GRID2: variants seen among roughly 807,000 people sequenced by gnomAD.
GRID2 encodes glutamate receptor ionotropic, delta-2.
In GRID2, 33 loss-of-function variants were observed where a neutral mutation model predicts 114.8. The ratio of observed to expected loss-of-function variants is 0.29; its 90% confidence interval spans 0.22 to 0.38. The LOEUF is 0.38. GRID2 is among the 10% of genes least tolerant of loss of function. The pLI, the probability that GRID2 is intolerant of heterozygous loss-of-function variation, is 1.00. For missense variants in GRID2, 1,184 were observed against 1,257.7 expected (o/e 0.94, Z 0.89); for synonymous variants, 505 against 449.9 (o/e 1.12, Z -1.55).
chr4:93,272,037 T>C (rs1375525713), intron 8 of GRID2, among the ~76,000 whole-genome samples: 1 of 152,264 alleles, frequency 6.6e-6, no homozygotes, highest in South Asian at 2.1e-4. Flanking sequence ...GGTTTTAAGT[T>C]AGGACCAGAA....
At chr4:93,636,755 A>G (rs1721445856) in intron 14 of GRID2, among the ~76,000 whole-genome samples, 2 of 152,172 alleles carry the variant, frequency 1.3e-5, no homozygotes, top group African/African-American at 4.8e-5. Flanking sequence ...ACAATCATAG[A>G]TTTTGAGCAC....
At chr4:92,694,791 G>T (rs1313500970) in intron 2 of GRID2, among the ~76,000 whole-genome samples, 1 of 152,150 alleles carries the variant, frequency 6.6e-6, no homozygotes, top group Non-Finnish European at 1.5e-5. Flanking sequence ...TAATTCAGAA[G>T]TGAGGTTCCT....
chr4:93,501,502 A>C (rs1728104398), intron 12 of GRID2, among the ~76,000 whole-genome samples: 1 of 152,052 alleles, frequency 6.6e-6, no homozygotes, highest in Non-Finnish European at 1.5e-5. Flanking sequence ...CTCTATTGTT[A>C]GTGTTGAAAT....
intron 14 of GRID2, among the ~76,000 whole-genome samples, chr4:93,766,112 A>G (rs1733648539): frequency 6.6e-6 from 1 of 152,200 alleles, no homozygotes. Context: ...GAGGATGAGT[A>G]CACACTCTCG....
At chr4:92,377,166 A>G (rs1369188140) in intron 1 of GRID2, among the ~76,000 whole-genome samples, 2 of 152,108 alleles carry the variant, frequency 1.3e-5, no homozygotes, top group Non-Finnish European at 2.9e-5. Flanking sequence ...ATAAAACTAA[A>G]TGTCCTTAAC....
chr4:93,318,559 A>G (rs1467436574), intron 8 of GRID2: 1 of 152,188 alleles, frequency 6.6e-6, no homozygotes, highest in Non-Finnish European at 1.5e-5. Context: ...CTCGAAAGCC[A>G]AAGGGAGCAT....
chr4:93,804,190 A>G (rs1224170901), intron 1 of GRID2, among the ~76,000 whole-genome samples: 2 of 152,246 alleles, frequency 1.3e-5, no homozygotes, highest in Non-Finnish European at 2.9e-5. Flanking sequence ...CCATGAGACT[A>G]TCACAGACAA....
chr4:93,079,314 A>G (rs1729641493), intron 2 of GRID2, among the ~76,000 whole-genome samples: 1 of 152,006 alleles, frequency 6.6e-6, no homozygotes, highest in Non-Finnish European at 1.5e-5. Context: ...ATTTGGAGCT[A>G]AAACTATAGA....
chr4:92,649,341 G>A (rs1455540126), intron 2 of GRID2, among the ~76,000 whole-genome samples: 2 of 150,334 alleles, frequency 1.3e-5, no homozygotes, highest in African/African-American at 4.9e-5. Context: ...GTAACTCCAA[G>A]CCTGAGTGTG....
intron 2 of GRID2, among the ~76,000 whole-genome samples, chr4:93,055,333 A>G (rs1010580417): frequency 2.6e-5 from 4 of 151,782 alleles, no homozygotes; most frequent in African/African-American, 9.7e-5. Context: ...GGTTTTCCAC[A>G]CTATTATGTT....
At chr4:92,677,989 A>G (rs1733461863) in intron 2 of GRID2, among the ~76,000 whole-genome samples, 1 of 152,050 alleles carries the variant, frequency 6.6e-6, no homozygotes, top group Non-Finnish European at 1.5e-5. Context: ...CCCATGCCAC[A>G]TTGACCTCAT....
At chr4:93,082,895 T>C (rs1729997725) in intron 2 of GRID2, among the ~76,000 whole-genome samples, 1 of 152,200 alleles carries the variant, frequency 6.6e-6, no homozygotes, top group South Asian at 2.1e-4. Context: ...ATGTATCTAC[T>C]AAGCAAGATT....
chr4:92,951,060 T>G (rs1020001598), intron 2 of GRID2, among the ~76,000 whole-genome samples: 1 of 152,104 alleles, frequency 6.6e-6, no homozygotes, highest in Admixed American at 6.6e-5. Context: ...CTCTGGAGGA[T>G]TCTTAGTTTT....
intron 11 of GRID2, among the ~76,000 whole-genome samples, chr4:93,475,350 A>C (rs2149440091): frequency 6.6e-6 from 1 of 152,276 alleles, no homozygotes; most frequent in South Asian, 2.1e-4. Flanking sequence ...AAAATTCAAA[A>C]TTAGGAAAGC....
At chr4:93,694,945 G>A (rs1726883856) in intron 14 of GRID2, among the ~76,000 whole-genome samples, 1 of 152,160 alleles carries the variant, frequency 6.6e-6, no homozygotes, top group African/African-American at 2.4e-5. Flanking sequence ...GCCGAGACGG[G>A]CGGATTGCCT....
chr4:92,819,262 C>T (rs183778090), intron 2 of GRID2, among the ~76,000 whole-genome samples: 1 of 152,142 alleles, frequency 6.6e-6, no homozygotes, highest in Non-Finnish European at 1.5e-5. Flanking sequence ...AACTTAGGCT[C>T]AGACATCATC....
intron 13 of GRID2, among the ~76,000 whole-genome samples, chr4:93,602,084 A>T (rs1739739345): frequency 6.6e-6 from 1 of 152,216 alleles, no homozygotes; most frequent in Non-Finnish European, 1.5e-5. Flanking sequence ...TCAGCGAGTG[A>T]TATTGCCAAC....
At chr4:93,460,954 T>C (rs1723682982) in intron 11 of GRID2, among the ~76,000 whole-genome samples, 1 of 152,172 alleles carries the variant, frequency 6.6e-6, no homozygotes, top group Non-Finnish European at 1.5e-5. Flanking sequence ...GACATACTTA[T>C]GAATTGGCTT....
intron 14 of GRID2, among the ~76,000 whole-genome samples, chr4:93,671,788 C>T (rs1219661939): frequency 6.6e-6 from 1 of 151,656 alleles, no homozygotes; most frequent in Admixed American, 6.6e-5. Flanking sequence ...GACCAACATG[C>T]TGAAACCCTG....
Sources: allele counts gnomAD v4.1 joint callset (sites outside exome capture counted in the v4.1 genomes callset), GRCh38; gene constraint gnomAD v4.1.1; transcripts MANE v1.5; gene names NCBI Gene and HGNC (gene_info 2026-07-23, HGNC 2026-07-21).